The following RCC1L variants were observed in gnomAD, a reference collection of about 807,000 sequenced individuals.
RCC1L encodes RCC1-like G exchanging factor-like protein.
In RCC1L, 46 loss-of-function variants were observed where a neutral mutation model predicts 58.6. The ratio of observed to expected loss-of-function variants is 0.79; its 90% CI spans 0.62 to 1.00. The LOEUF (loss-of-function observed/expected upper bound fraction) is 1.00, where lower values mean the gene tolerates loss of function less well. Ranked by LOEUF, RCC1L falls within the 50% of genes least tolerant of loss-of-function variation. The pLI, the probability that RCC1L is intolerant of heterozygous loss-of-function variation, is 0.00. For missense variants in RCC1L, 636 were observed against 623.6 expected, an observed-to-expected ratio of 1.02 and a Z score of -0.21; for synonymous variants, 281 against 262.9, an observed-to-expected ratio of 1.07 and a Z score of -0.67.
intron 2 of RCC1L, among the ~76,000 whole-genome samples, chr7:75,067,072 C>T (rs1216124625): frequency 1.3e-5 from 2 of 151,864 alleles, no homozygotes; most frequent in Non-Finnish European, 2.9e-5. Context: ...GAGGCCGAAG[C>T]GGGCAGATCA....
Position 75,058,735 on chromosome 7 carries a change from G to C in RCC1L, c.822C>G (p.Thr274=). ...CTCCCGCCAGGTCTCCACCCAGCTT[G>C]GTGGGCGAGCTGGTGATATTGTAGT... ...LGHYNITSSP[T]KLGGDLAGVN... The change falls in exon 7 of 11, where the codon ACC becomes ACG. Residue 274 remains threonine, a synonymous_variant. Transcript: ENST00000610322. The C allele has an allele frequency of 6.2e-7, 1 of 1,613,986 alleles. No individual in the cohort carries two copies. Among genetic ancestry groups the C allele is most frequent in the African/African-American group, 1.3e-5 (1 of 75,054 alleles).
rs368183689 is a variant in RCC1L at position 75,066,716 on chromosome 7, C to T, written c.531G>A (p.Leu177=). The T allele has an allele frequency of 8.7e-6, 14 of 1,613,458 alleles. No individual in the cohort carries two copies. The highest frequency in any genetic ancestry group is 3.3e-4 in the Middle Eastern group (2 of 6,018). ...AGTGAGCTCGGCCGCAGGAGACCTGCAGCACCCGTGTCTCCTGAGGTCTGT... is the reference window on the plus strand; with the variant it reads ...AGTGAGCTCGGCCGCAGGAGACCTGTAGCACCCGTGTCTCCTGAGGTCTGT... ...PLDRPQETRV[L]QVSCGRAHSL... The change falls in exon 3 of 11, where the codon CTG becomes CTA. Residue 177 remains leucine, a synonymous_variant. Transcript: ENST00000610322.
chr7:75,065,023 TG>T (rs1182331079), intron 3 of RCC1L, among the ~76,000 whole-genome samples: 1 of 151,974 alleles, frequency 6.6e-6, no homozygotes, highest in Non-Finnish European at 1.5e-5. Context: ...GTCAACTGTC[TG>T]GGAAGTGGGG....
chr7:75,051,351 C>CATATATATAT (rs1805908181), intron 10 of RCC1L, among the ~76,000 whole-genome samples: 2 of 147,446 alleles, frequency 1.4e-5, no homozygotes, highest in African/African-American at 5.1e-5. Flanking sequence ...TATATACACA[C>CATATATATAT]ACACATATAT....
In RCC1L at chr7:75,056,001, A is replaced by G. The variant is rs1554443879; in HGVS notation, c.1131T>C (p.Pro377=). The G allele has an allele frequency of 1.2e-6, 2 of 1,613,952 alleles. No individual in the cohort carries two copies. The highest frequency in any genetic ancestry group is 1.7e-6 in the Non-Finnish European group (2 of 1,179,856). The change falls in exon 9 of 11, where the codon CCT becomes CCC. Residue 377 remains proline (P), a synonymous_variant. Coordinates refer to ENST00000610322, the MANE Select transcript of RCC1L (RefSeq NM_030798.5). ...CAAAGAGAGTGGGTGGAATCATTTCAGGGACGGCACTTTCCACTAGGTTTG... is the reference window on the plus strand; with the variant it reads ...CAAAGAGAGTGGGTGGAATCATTTCGGGGACGGCACTTTCCACTAGGTTTG... ...KGPNLVESAV[P]EMIPPTLFGL...
chr7:75,064,416 G>A (rs1806385484), intron 4 of RCC1L, among the ~76,000 whole-genome samples, 166 bp downstream of exon 4: 1 of 151,708 alleles, frequency 6.6e-6, no homozygotes, highest in Non-Finnish European at 1.5e-5. Flanking sequence ...CTAACACATG[G>A]CGCTCAACCT....
intron 9 of RCC1L, chr7:75,055,700 A>T: frequency 1.5e-6 from 1 of 648,922 alleles, no homozygotes; most frequent in Non-Finnish European, 2.7e-6. Context: ...AACCAAAATT[A>T]AAACTCCAGG....
intron 10 of RCC1L, among the ~76,000 whole-genome samples, chr7:75,030,275 G>T (rs1416240456): frequency 2.6e-5 from 4 of 152,254 alleles, no homozygotes; most frequent in Non-Finnish European, 4.4e-5. Context: ...GTGCGTGCAC[G>T]TGTGCAGAGC....
chr7:75,071,040 G>C (rs1360531935), intron 1 of RCC1L, among the ~76,000 whole-genome samples: 1 of 152,002 alleles, frequency 6.6e-6, no homozygotes, highest in African/African-American at 2.4e-5. Flanking sequence ...ATTTTTAGTA[G>C]AGACAGAATT....
In RCC1L at chr7:75,066,751, G is replaced by C. The variant is rs1554445195; in HGVS notation, c.496C>G (p.Leu166Val). 6 of 1,613,078 alleles carry C rather than the reference G, an allele frequency of 3.7e-6. No individual in the cohort carries two copies. Among genetic ancestry groups the C allele is most frequent in the Non-Finnish European group, 2.5e-6 (3 of 1,179,614 alleles). ...GTCTCCTGAGGTCTGTCCAGAGGCA[G>C]GGAGACGGGTGAGGGCTCCAACACA... ...EYVLEPSPVS[L>V]PLDRPQETRV... Residue 166 changes from leucine (L) to valine (V), a missense_variant, in exon 3 of 11, where the codon CTG becomes GTG. Leu to Val is a conservative substitution (Grantham distance 32, BLOSUM62 1). Coordinates refer to ENST00000610322, the MANE Select transcript of RCC1L (RefSeq NM_030798.5).
At chr7:75,066,928 C>T in intron 2 of RCC1L, 136 bp from the exon 3 acceptor site, 1 of 1,222,532 alleles carries the variant, frequency 8.2e-7, no homozygotes, top group Non-Finnish European at 1.1e-6. Flanking sequence ...AAGTTAGGCG[C>T]AGAGCAAGGA....
chr7:75,047,813 A>G (rs1188283799), intron 10 of RCC1L, among the ~76,000 whole-genome samples: 3 of 150,996 alleles, frequency 2.0e-5, no homozygotes, highest in African/African-American at 7.3e-5. Flanking sequence ...CGCCTGGCTA[A>G]TTTTTGTATT....
chr7:75,070,876 G>T, intron 1 of RCC1L, 107 bp from the exon 2 acceptor site: 1 of 1,464,828 alleles, frequency 6.8e-7, no homozygotes. Context: ...TATTTACGGG[G>T]GTTTTGTTTT....
intron 2 of RCC1L, among the ~76,000 whole-genome samples, chr7:75,067,806 C>T (rs1376158600): frequency 1.3e-5 from 2 of 151,978 alleles, no homozygotes; most frequent in Admixed American, 1.3e-4. Context: ...GATCATGACA[C>T]TGCACTCCAG....
intron 10 of RCC1L, among the ~76,000 whole-genome samples, chr7:75,050,923 T>C (rs959841142): frequency 6.6e-6 from 1 of 151,850 alleles, no homozygotes; most frequent in Non-Finnish European, 1.5e-5. Context: ...GAGACTCCCA[T>C]CTCTACTAAA....
At position 75,064,564 on chromosome 7, in the gene RCC1L, G is replaced by T; in HGVS notation, c.650+18C>A. 1 of 1,613,536 alleles carries T rather than the reference G, an allele frequency of 6.2e-7. No homozygotes were observed. The highest frequency in any genetic ancestry group is 8.5e-7 in the Non-Finnish European group (1 of 1,179,590). On this transcript the variant is annotated intron_variant, in intron 4 of 10. Coordinates refer to ENST00000610322, the MANE Select transcript of RCC1L (RefSeq NM_030798.5). ...ACTTAACTCAACATGGGGAAGGGTA[G>T]GCCTTTTAGGAACTCACCTGTAAAT...
chr7:75,071,160 AAC>A (rs1446690123), intron 1 of RCC1L, among the ~76,000 whole-genome samples: 11 of 152,302 alleles, frequency 7.2e-5, no homozygotes, highest in Admixed American at 7.2e-4. Context: ...CTGGCCCAAG[AAC>A]ACATATTATT....
chr7:75,055,907 G>C lies in RCC1L; in HGVS notation c.1225C>G (p.Leu409Val). The change falls in exon 9 of 11, where the codon CTG (leucine) becomes GTG (valine). Residue 409 changes from leucine (L) to valine (V), a missense_variant. By Grantham distance (32) the Leu-to-Val change is conservative. Coordinates refer to ENST00000610322, the MANE Select transcript of RCC1L (RefSeq NM_030798.5). Reference sequence around the variant, plus strand: ...ACCGGGCTTGGTAACTTACTGGTCAGTGCAGCAAAGTGGCTGAGTCCACAT... The same window carrying C: ...ACCGGGCTTGGTAACTTACTGGTCACTGCAGCAAAGTGGCTGAGTCCACAT... ...IRCGLSHFAALTNKGELFVWG... is the reference protein window; with the variant it reads ...IRCGLSHFAAVTNKGELFVWG... The C allele has an allele frequency of 6.2e-7, 1 of 1,613,988 alleles. No individual in the cohort carries two copies. Among genetic ancestry groups the C allele is most frequent in the Non-Finnish European group, 8.5e-7 (1 of 1,179,882 alleles).
At chr7:75,051,356 A>G (rs1272610355) in intron 10 of RCC1L, among the ~76,000 whole-genome samples, 2 of 148,084 alleles carry the variant, frequency 1.4e-5, no homozygotes, top group Non-Finnish European at 1.5e-5. Context: ...ACACACACAC[A>G]TATATATACA....
Sources: gnomAD v4.1 joint callset for allele counts (sites outside exome capture counted in the v4.1 genomes callset) on GRCh38, gnomAD v4.1.1 for gene constraint, MANE v1.5 for transcripts, NCBI Gene and HGNC (gene_info 2026-07-23, HGNC 2026-07-21) for gene names.